STEAP1B: variants seen among roughly 807,000 people sequenced by gnomAD.
STEAP1B encodes STEAP family member 1B.
In STEAP1B, 13 loss-of-function variants were observed where a neutral mutation model predicts 27.9. That is an observed-to-expected ratio of 0.47 (90% CI 0.30 to 0.74). The LOEUF (loss-of-function observed/expected upper bound fraction) is 0.74, where lower values mean the gene tolerates loss of function less well. Among genes scored for constraint, STEAP1B ranks in the 30% least tolerant of loss-of-function variants. STEAP1B has a pLI of 0.06. For synonymous variants in STEAP1B, 86 were observed against 107.1 expected (o/e 0.80, Z 1.22); for missense variants, 250 against 298.7 (o/e 0.84, Z 1.20).
At chr7:22,492,111 G>A (rs1431468009) in intron 4 of STEAP1B, among the ~76,000 whole-genome samples, 1 of 151,754 alleles carries the variant, frequency 6.6e-6, no homozygotes, top group Non-Finnish European at 1.5e-5. Context: ...CACAAGTCAG[G>A]AGATCGAGAC....
rs77865978 is a variant in STEAP1B at position 22,471,031 on chromosome 7, C to T, written c.762+21534G>A. Among the ~76,000 whole-genome samples the T allele has an allele frequency of 7.4e-3, 1,121 of 151,766 alleles. 11 individuals carry two copies. Among genetic ancestry groups the T allele is most frequent in the African/African-American group, 0.026 (1,061 of 41,210 alleles). ...AACGATTTCCCTGGCCTGCTTTCAT[C>T]TTTAAATTGAGTAAGGAAACCTAAA... On this transcript the variant is annotated intron_variant, in intron 4 of 4. Coordinates refer to ENST00000678116, the MANE Select transcript of STEAP1B (RefSeq NM_001382447.1).
chr7:22,468,361 G>T (rs1272043581), intron 4 of STEAP1B, among the ~76,000 whole-genome samples: 1 of 152,094 alleles, frequency 6.6e-6, no homozygotes, highest in Non-Finnish European at 1.5e-5. Flanking sequence ...AGGAAAGGAG[G>T]CTGAGTAGTT....
At chr7:22,476,032 C>A (rs1338817619) in intron 4 of STEAP1B, among the ~76,000 whole-genome samples, 1 of 152,142 alleles carries the variant, frequency 6.6e-6, no homozygotes, top group Non-Finnish European at 1.5e-5. Flanking sequence ...TGGTGCCACC[C>A]CCAATGGGGT....
intron 2 of STEAP1B, 99 bp downstream of exon 2, chr7:22,494,673 T>C (rs1421868452): frequency 1.0e-5 from 9 of 857,704 alleles, no homozygotes; most frequent in Non-Finnish European, 3.5e-6. Context: ...CAGACTAGGG[T>C]GAAAAATCAC....
At chr7:22,482,925 A>G (rs1453303638) in intron 4 of STEAP1B, among the ~76,000 whole-genome samples, 2 of 152,164 alleles carry the variant, frequency 1.3e-5, no homozygotes, top group Admixed American at 6.5e-5. Context: ...GGTCCCTGGG[A>G]ATAGATTTGT....
At chr7:22,477,395 A>G (rs1785991270) in intron 4 of STEAP1B, among the ~76,000 whole-genome samples, 1 of 151,830 alleles carries the variant, frequency 6.6e-6, no homozygotes, top group Admixed American at 6.6e-5. Context: ...ATGTAGTTCA[A>G]TCTCTTGGTG....
chr7:22,450,561 T>C (rs1785471042), intron 4 of STEAP1B, among the ~76,000 whole-genome samples: 1 of 152,042 alleles, frequency 6.6e-6, no homozygotes, highest in Non-Finnish European at 1.5e-5. Flanking sequence ...AGTACCATGC[T>C]CTTTTGGTTA....
At chr7:22,464,949 A>ATATATACATATATATATG (rs1554286208) in intron 4 of STEAP1B, among the ~76,000 whole-genome samples, 2 of 47,968 alleles carry the variant, frequency 4.2e-5, no homozygotes, top group Non-Finnish European at 7.9e-5. Flanking sequence ...ACCAAACCCC[A>ATATATACATATATATATG]TATATATATA....
chr7:22,453,418 T>A (rs563093879), intron 4 of STEAP1B, among the ~76,000 whole-genome samples: 1 of 139,480 alleles, frequency 7.2e-6, no homozygotes, highest in Admixed American at 7.3e-5. Context: ...CCCTTTGCAG[T>A]CATTGGCCTC....
intron 4 of STEAP1B, among the ~76,000 whole-genome samples, chr7:22,474,115 G>A (rs979261595): frequency 6.6e-6 from 1 of 152,152 alleles, no homozygotes; most frequent in African/African-American, 2.4e-5. Context: ...CTGTTGCTTT[G>A]AAGGGAAAGA....
At chr7:22,487,462 T>C (rs1020747284) in intron 4 of STEAP1B, among the ~76,000 whole-genome samples, 24 of 151,838 alleles carry the variant, frequency 1.6e-4, no homozygotes, top group African/African-American at 5.6e-4. Context: ...ACATGAGTAT[T>C]TGTTTGAAAA....
At chr7:22,474,806 C>T (rs1360339301) in intron 4 of STEAP1B, among the ~76,000 whole-genome samples, 2 of 152,202 alleles carry the variant, frequency 1.3e-5, no homozygotes, top group Admixed American at 6.5e-5. Context: ...CTCTCCCTGA[C>T]AGCTCACCCA....
At position 22,495,853 on chromosome 7, in the gene STEAP1B, A is replaced by C. The variant is rs1786430841; in HGVS notation, c.-31-967T>G. 2.0e-5 allele frequency among the ~76,000 whole-genome samples: 3 copies of C among 152,226 alleles called. No homozygotes were observed. In the South Asian group the frequency reaches 6.2e-4, roughly 32 times the overall value. Reference sequence around the variant, plus strand: ...GTCAACGACTGACTGCATATGTAACAGTGGTCCCATAAGAGTATAATGGAG... The same window carrying C: ...GTCAACGACTGACTGCATATGTAACCGTGGTCCCATAAGAGTATAATGGAG... On this transcript the variant is annotated intron_variant, in intron 1 of 4. Transcript: ENST00000678116.
At chr7:22,445,676 C>A (rs183654977) in intron 4 of STEAP1B, among the ~76,000 whole-genome samples, 1 of 152,232 alleles carries the variant, frequency 6.6e-6, no homozygotes, top group Non-Finnish European at 1.5e-5. Context: ...CCGTGGTGAT[C>A]CAGCTTCCCA....
chr7:22,445,111 G>C (rs540629624), intron 4 of STEAP1B, among the ~76,000 whole-genome samples: 19 of 152,328 alleles, frequency 1.2e-4, no homozygotes, highest in Non-Finnish European at 2.5e-4. Flanking sequence ...CAGTTTAAAG[G>C]GCCTTTGGGC....
intron 4 of STEAP1B, among the ~76,000 whole-genome samples, chr7:22,465,258 G>A (rs1003631338): frequency 6.6e-6 from 1 of 152,002 alleles, no homozygotes; most frequent in African/African-American, 2.4e-5. Flanking sequence ...TAAAACTTAT[G>A]AATTGTTTAT....
chr7:22,471,795 C>T (rs1334720396), intron 4 of STEAP1B, among the ~76,000 whole-genome samples: 2 of 146,366 alleles, frequency 1.4e-5, no homozygotes, highest in African/African-American at 5.1e-5. Context: ...CCCAGCTACT[C>T]AGGAAGCATA....
intron 4 of STEAP1B, among the ~76,000 whole-genome samples, chr7:22,428,583 T>C (rs990846078): frequency 3.3e-5 from 5 of 152,052 alleles, no homozygotes; most frequent in Non-Finnish European, 7.4e-5. Flanking sequence ...CAAGAGAAAT[T>C]ATATAATAAT....
chr7:22,430,519 G>C (rs1440668058), intron 4 of STEAP1B, among the ~76,000 whole-genome samples: 2 of 152,196 alleles, frequency 1.3e-5, no homozygotes, highest in Non-Finnish European at 2.9e-5. Flanking sequence ...GGACTCCCAG[G>C]TTTCAACATT....
Sources: gnomAD v4.1 joint callset for allele counts (sites outside exome capture counted in the v4.1 genomes callset) on GRCh38, gnomAD v4.1.1 for gene constraint, MANE v1.5 for transcripts, NCBI Gene and HGNC (gene_info 2026-07-23, HGNC 2026-07-21) for gene names.